KCNH6: variants seen among roughly 807,000 people sequenced by gnomAD.
The protein encoded by KCNH6 is voltage-gated inwardly rectifying potassium channel KCNH6.
A neutral mutation model predicts 83.4 loss-of-function variants in KCNH6; 81 were observed. That is an observed-to-expected ratio of 0.97 (90% CI 0.81 to 1.17). The LOEUF (loss-of-function observed/expected upper bound fraction) is 1.17. Among genes scored for constraint, KCNH6 ranks in the 50% most tolerant of loss-of-function variants. The pLI is 0.00. For synonymous variants in KCNH6, 503 were observed against 545.6 expected (o/e 0.92, Z 1.09); for missense variants, 1,203 against 1,290.5 (o/e 0.93, Z 1.04).
chr17:63,538,195 A>C lies in KCNH6; in HGVS notation c.1632A>C (p.Pro544=). The change falls in exon 7 of 13, where the codon CCA becomes CCC. Residue 544 remains proline (P), a synonymous_variant. Transcript: ENST00000314672. This position sits in a 1 kb window ranked among gnomAD's most constrained non-coding sequence, Gnocchi z 4.0. Reference sequence around the variant, plus strand: ...TCCGCTTCCACCAGATCCCCAACCCACTGCGCCAGCGCCTGGAGGAGTATT... The same window carrying C: ...TCCGCTTCCACCAGATCCCCAACCCCCTGCGCCAGCGCCTGGAGGAGTATT... ...EFIRFHQIPN[P]LRQRLEEYFQ... 1 of 1,613,998 alleles carries C rather than the reference A, an allele frequency of 6.2e-7. No individual in the cohort carries two copies. Among genetic ancestry groups the C allele is most frequent in the East Asian group, 2.2e-5 (1 of 44,864 alleles).
At chr17:63,536,361 G>A (rs549295094) in intron 6 of KCNH6, 16 of 435,614 alleles carry the variant, frequency 3.7e-5, no homozygotes, top group African/African-American at 5.9e-5. Flanking sequence ...ATTAAGAATC[G>A]GCCAGATGCT....
chr17:63,536,952 CAAAAAAAA>C (rs60039258), intron 6 of KCNH6, among the ~76,000 whole-genome samples: 10 of 56,510 alleles, frequency 1.8e-4, no homozygotes, highest in Non-Finnish European at 2.7e-4. Flanking sequence ...GACTCCGTCT[CAAAAAAAA>C]AAAAAAAAAA....
Position 63,534,985 on chromosome 17 carries a change from C to G in KCNH6, c.1101+674C>G, listed in dbSNP as rs974948380. On this transcript the variant is annotated intron_variant, in intron 5 of 12. Coordinates refer to ENST00000314672, the MANE Select transcript of KCNH6 (RefSeq NM_001278919.2). The surrounding 1 kb of genome is among the most constrained non-coding windows in gnomAD (Gnocchi z 5.0). ...GGACACTGAGTGGCCTTCGTACTCACTTGTGTCCCATCACCAAACTTGCCA... is the reference window on the plus strand; with the variant it reads ...GGACACTGAGTGGCCTTCGTACTCAGTTGTGTCCCATCACCAAACTTGCCA... Among the ~76,000 whole-genome samples, 1 of 152,148 alleles carries G rather than the reference C, an allele frequency of 6.6e-6. No individual in the cohort carries two copies. The highest frequency in any genetic ancestry group is 2.4e-5 in the African/African-American group (1 of 41,434).
At chr17:63,542,902 C>T (rs186978536) in intron 9 of KCNH6, among the ~76,000 whole-genome samples, 32 of 152,316 alleles carry the variant, frequency 2.1e-4, no homozygotes, top group Admixed American at 1.7e-3. Flanking sequence ...GCTGTCTCTT[C>T]TCATGCTCAT....
chr17:63,547,920 T>C (rs1261948671), downstream of KCNH6, among the ~76,000 whole-genome samples: 4 of 149,048 alleles, frequency 2.7e-5, no homozygotes, highest in East Asian at 7.9e-4. Context: ...GCCATGTTCA[T>C]GCAACTGTAC....
At chr17:63,536,459 ATGG>A (rs1417961270) in intron 6 of KCNH6, among the ~76,000 whole-genome samples, 1 of 152,208 alleles carries the variant, frequency 6.6e-6, no homozygotes, top group Non-Finnish European at 1.5e-5. Context: ...CCTGGCCAAT[ATGG>A]TGAAACCCCA....
rs767270955 is a variant in KCNH6 at position 63,534,020 on chromosome 17, G to C, written c.810G>C (p.Thr270=). Residue 270 remains threonine, a synonymous_variant, in exon 5 of 13, where the codon ACG becomes ACC. Transcript: ENST00000314672. The surrounding 1 kb of genome is among the most constrained non-coding windows in gnomAD (Gnocchi z 5.0). ...DWLILLLVIY[T]AVFTPYSAAF... ...TCATCCTGCTGCTGGTCATCTACACGGCTGTCTTCACGCCCTACTCAGCCG... is the reference window on the plus strand; with the variant it reads ...TCATCCTGCTGCTGGTCATCTACACCGCTGTCTTCACGCCCTACTCAGCCG... 5.0e-6 allele frequency: 8 copies of C among 1,614,154 alleles called. No homozygotes were observed. In the South Asian group the frequency reaches 6.6e-5, roughly 13 times the overall value.
chr17:63,543,682 C>A, intron 10 of KCNH6, 22 bp downstream of exon 10: 1 of 1,492,444 alleles, frequency 6.7e-7, no homozygotes, highest in Non-Finnish European at 9.3e-7. Flanking sequence ...CAGCCCCCAC[C>A]CCCACCAGCC....
chr17:63,537,142 A>G (rs757893734), intron 6 of KCNH6, among the ~76,000 whole-genome samples: 1 of 152,016 alleles, frequency 6.6e-6, no homozygotes, highest in African/African-American at 2.4e-5. Context: ...CTGGTTTACA[A>G]AGCAAGAACC....
intron 2 of KCNH6, among the ~76,000 whole-genome samples, chr17:63,529,629 T>C (rs1466861597): frequency 6.6e-6 from 1 of 152,150 alleles, no homozygotes; most frequent in African/African-American, 2.4e-5. Flanking sequence ...CAGCACTTAG[T>C]GTACTTTCAA....
At chr17:63,531,026 C>A (rs1430493962) in intron 4 of KCNH6, among the ~76,000 whole-genome samples, 1 of 152,238 alleles carries the variant, frequency 6.6e-6, no homozygotes, top group Non-Finnish European at 1.5e-5. Context: ...AACACAGGAT[C>A]CTCCTGCATG....
rs150934155 is a variant in KCNH6 at position 63,524,161 on chromosome 17, T to C, written c.99T>C (p.Asn33=). Residue 33 remains asparagine, a synonymous_variant, in exon 2 of 13, where the codon AAT becomes AAC. Coordinates refer to ENST00000314672, the MANE Select transcript of KCNH6 (RefSeq NM_001278919.2). ...CAGGTCGGAAGTTCCTGATTGCCAA[T>C]GCTCAGATGGAGAACTGCGCCATCA... ...EGQSRKFLIA[N]AQMENCAIIY... 4.3e-6 allele frequency: 7 copies of C among 1,613,656 alleles called. No individual in the cohort carries two copies. In the African/African-American group the frequency reaches 8.0e-5, roughly 18 times the overall value.
chr17:63,542,432 G>T lies in KCNH6; in HGVS notation c.2146G>T (p.Asp716Tyr). The T allele has an allele frequency of 6.2e-7, 1 of 1,613,758 alleles. No homozygotes were observed. Among genetic ancestry groups the T allele is most frequent in the Non-Finnish European group, 8.5e-7 (1 of 1,179,808 alleles). Residue 716 changes from aspartate to tyrosine, a missense_variant and splice_region_variant, in exon 9 of 13, where the codon GAC becomes TAC. Coordinates refer to ENST00000314672, the MANE Select transcript of KCNH6 (RefSeq NM_001278919.2). ...GCTGGAGGTCACCTTCAACCTGCGG[G>T]ACGTGAGTCAGGGCCAGGTGGGCCA... ...SKLEVTFNLR[D>Y]AAGGLHSSPR... is the part of the protein sequence containing the mutation.
In KCNH6 at chr17:63,545,415, T is replaced by C. The variant is rs1336713292; in HGVS notation, c.2583+151T>C. ...CTTACCTCCTTTATGATCAGAGTCA[T>C]GATAGGGTTAGCCTGGGCAAGGTGC... On this transcript the variant is annotated intron_variant, in intron 12 of 12. Coordinates refer to ENST00000314672, the MANE Select transcript of KCNH6 (RefSeq NM_001278919.2). The C allele has an allele frequency of 3.0e-6, 3 of 1,007,704 alleles. No individual in the cohort carries two copies. In the African/African-American group the frequency reaches 4.9e-5, roughly 16 times the overall value. The allele number at this position is 1,007,704 out of a possible 1,614,324, so 62.4% of individuals were successfully genotyped here. A position where few individuals can be genotyped will look rare whatever the true frequency, so the allele number is the denominator to read the frequency against.
Position 63,523,471 on chromosome 17 carries a change from C to T in KCNH6, c.58C>T (p.Arg20Cys), listed in dbSNP as rs768819352. The T allele has an allele frequency of 6.2e-6, 10 of 1,607,246 alleles. No homozygotes were observed. The highest frequency in any genetic ancestry group is 6.8e-6 in the Non-Finnish European group (8 of 1,176,906). The change falls in exon 1 of 13, where the codon CGC becomes TGC. Residue 20 changes from arginine to cysteine, a missense_variant. Transcript: ENST00000314672. This position sits in a 1 kb window ranked among gnomAD's most constrained non-coding sequence, Gnocchi z 4.2. Reference sequence around the variant, plus strand: ...AAACACTTACCTGGACACCATCATCCGCAAGTTCGAGGGCCAAAGTGAGTG... The same window carrying T: ...AAACACTTACCTGGACACCATCATCTGCAAGTTCGAGGGCCAAAGTGAGTG... ...PQNTYLDTII[R>C]KFEGQSRKFL...
chr17:63,545,170 C>T lies in KCNH6; in HGVS notation c.2489C>T (p.Ala830Val), dbSNP rs146648647. The T allele has an allele frequency of 1.4e-5, 23 of 1,613,732 alleles. No homozygotes were observed. Among genetic ancestry groups the T allele is most frequent in the Non-Finnish European group, 1.9e-5 (22 of 1,180,028 alleles). Residue 830 changes from alanine to valine, a missense_variant, in exon 12 of 13, where the codon GCC becomes GTC. Transcript: ENST00000314672. ...GGCCACGCCAGCTACATTCTGGAAG[C>T]CCCTGCCTCCAATGACCTGGCCTTG... ...PQGHASYILE[A>V]PASNDLALVP...
At position 63,545,773 on chromosome 17, in the gene KCNH6, G is replaced by A; in HGVS notation, c.2748G>A (p.Leu916=). ...CCCTAGCCTCACCTCTACATCCCCT[G>A]GAAGTACAAGGACTCATCTGTGGTC... ...WPPLASPLHP[L]EVQGLICGPC... Residue 916 remains leucine, a synonymous_variant, in exon 13 of 13, where the codon CTG becomes CTA. Transcript: ENST00000314672. 6.2e-7 allele frequency: 1 copy of A among 1,614,128 alleles called. No individual in the cohort carries two copies. The highest frequency in any genetic ancestry group is 1.1e-5 in the South Asian group (1 of 91,078).
Position 63,538,178 on chromosome 17 carries a change from C to T in KCNH6, c.1615C>T (p.His539Tyr), listed in dbSNP as rs1429731625. Residue 539 changes from histidine (H) to tyrosine (Y), a missense_variant, in exon 7 of 13, where the codon CAC becomes TAC. Physicochemically the swap from His to Tyr is moderately conservative, Grantham distance 83 (BLOSUM62 2). Transcript: ENST00000314672. The surrounding 1 kb of genome is among the most constrained non-coding windows in gnomAD (Gnocchi z 4.0). ...GCGTGTCAAGGAGTTCATCCGCTTCCACCAGATCCCCAACCCACTGCGCCA... is the reference window on the plus strand; with the variant it reads ...GCGTGTCAAGGAGTTCATCCGCTTCTACCAGATCCCCAACCCACTGCGCCA... ...MLRVKEFIRF[H>Y]QIPNPLRQRL... is the part of the protein sequence containing the mutation. 3 of 1,614,074 alleles carry T rather than the reference C, an allele frequency of 1.9e-6. No homozygotes were observed. Among genetic ancestry groups the T allele is most frequent in the Non-Finnish European group, 2.5e-6 (3 of 1,180,000 alleles).
Position 63,542,417 on chromosome 17 carries a change from A to C in KCNH6, c.2131A>C (p.Thr711Pro), listed in dbSNP as rs2032919259. 6.2e-7 allele frequency: 1 copy of C among 1,613,804 alleles called. No individual in the cohort carries two copies. Among genetic ancestry groups the C allele is most frequent in the African/African-American group, 1.3e-5 (1 of 74,860 alleles). ...AESFWSKLEV[T>P]FNLRDAAGGL... is the part of the protein sequence containing the mutation. ...GAGCTTCTGGAGTAAGCTGGAGGTC[A>C]CCTTCAACCTGCGGGACGTGAGTCA... Residue 711 changes from threonine to proline, a missense_variant, in exon 9 of 13, where the codon ACC becomes CCC. Coordinates refer to ENST00000314672, the MANE Select transcript of KCNH6 (RefSeq NM_001278919.2).
Sources: allele counts gnomAD v4.1 joint callset (sites outside exome capture counted in the v4.1 genomes callset), GRCh38; gene constraint gnomAD v4.1.1; non-coding constraint Gnocchi (gnomAD v3.1); transcripts MANE v1.5; gene names NCBI Gene and HGNC (gene_info 2026-07-23, HGNC 2026-07-21).